RFC3: variants seen among roughly 807,000 people sequenced by gnomAD.
The protein encoded by RFC3 is A1 38 kDa subunit.
RFC3 carries 41 observed loss-of-function variants against 45.1 expected under a neutral mutation model. The ratio of observed to expected loss-of-function variants is 0.91; its 90% confidence interval spans 0.71 to 1.18. RFC3 has a LOEUF of 1.18. RFC3 is among the 50% of genes most tolerant of loss of function. The pLI is 0.00. For missense variants in RFC3, 423 were observed against 428.1 expected (o/e 0.99, Z 0.10); for synonymous variants, 149 against 144.0 (o/e 1.03, Z -0.25).
intron 1 of RFC3, among the ~76,000 whole-genome samples, chr13:33,818,746 T>C (rs2081972439): frequency 6.6e-6 from 1 of 152,198 alleles, no homozygotes; most frequent in South Asian, 2.1e-4. Flanking sequence ...GATGACACCA[T>C]GTGATTTACT....
At chr13:33,933,396 T>C (rs2082864810) in intron 8 of RFC3, among the ~76,000 whole-genome samples, 1 of 152,156 alleles carries the variant, frequency 6.6e-6, no homozygotes, top group Non-Finnish European at 1.5e-5. Context: ...TCCCAAGAAC[T>C]TATTATTGGC....
At chr13:33,906,591 T>C (rs1403384531) in intron 8 of RFC3, among the ~76,000 whole-genome samples, 11 of 152,134 alleles carry the variant, frequency 7.2e-5, no homozygotes, top group Admixed American at 7.2e-4. Flanking sequence ...ATATTCCCTT[T>C]TATGAAAGGG....
chr13:33,835,141 T>C lies in RFC3; in HGVS notation c.810-7T>C, dbSNP rs1412406998. On this transcript the variant is annotated splice_polypyrimidine_tract_variant and splice_region_variant and intron_variant, in intron 7 of 8. Transcript: ENST00000380071. ...TCACAAAATACCAATTATTTTGTTT[T>C]ATGTAGGCTCCTTGAAGTTCGTGGA... is the stretch of plus-strand genomic sequence containing the variant. The C allele has an allele frequency of 6.3e-7, 1 of 1,583,726 alleles. No homozygotes were observed. Among genetic ancestry groups the C allele is most frequent in the Non-Finnish European group, 8.6e-7 (1 of 1,158,408 alleles).
chr13:33,957,755 G>C (rs1173467059), intron 8 of RFC3, among the ~76,000 whole-genome samples: 1 of 152,156 alleles, frequency 6.6e-6, no homozygotes, highest in East Asian at 1.9e-4. Context: ...CAAACGTGAA[G>C]GTCTTCTGTA....
At chr13:33,902,041 A>G (rs926818326) in intron 8 of RFC3, among the ~76,000 whole-genome samples, 1 of 152,054 alleles carries the variant, frequency 6.6e-6, no homozygotes, top group East Asian at 1.9e-4. Context: ...CATCCCACAC[A>G]TAAGGCAAAA....
intron 5 of RFC3, 26 bp from the exon 6 acceptor site, chr13:33,830,693 C>T: frequency 6.3e-7 from 1 of 1,589,550 alleles, no homozygotes; most frequent in Admixed American, 1.7e-5. Context: ...TAATGGATTG[C>T]CCATTTTTGT....
At chr13:33,950,358 C>T (rs1283344557) in intron 8 of RFC3, among the ~76,000 whole-genome samples, 1 of 152,046 alleles carries the variant, frequency 6.6e-6, no homozygotes, top group Non-Finnish European at 1.5e-5. Context: ...TTTTAGCTAA[C>T]ATTGATTTTG....
At chr13:33,884,499 C>A (rs142335514) in intron 8 of RFC3, among the ~76,000 whole-genome samples, 3 of 152,118 alleles carry the variant, frequency 2.0e-5, no homozygotes, top group Admixed American at 1.3e-4. Context: ...TCAAATGCAC[C>A]GTCTTCTGAA....
chr13:33,820,269 T>G (rs2081989656), intron 1 of RFC3, among the ~76,000 whole-genome samples: 1 of 152,218 alleles, frequency 6.6e-6, no homozygotes, highest in Non-Finnish European at 1.5e-5. Flanking sequence ...GCACACAGAC[T>G]GACTTCTGAC....
chr13:33,858,004 A>G (rs2082318193), intron 8 of RFC3, among the ~76,000 whole-genome samples: 1 of 152,188 alleles, frequency 6.6e-6, no homozygotes, highest in African/African-American at 2.4e-5. Flanking sequence ...TAATTAACAC[A>G]TGGGGAAATG....
At chr13:33,820,341 A>G (rs1481300448) in intron 1 of RFC3, among the ~76,000 whole-genome samples, 1 of 152,200 alleles carries the variant, frequency 6.6e-6, no homozygotes, top group African/African-American at 2.4e-5. Context: ...CCCATAGTAG[A>G]TTTGAAATGC....
chr13:33,976,004 G>C, the RFC3 span, among the ~76,000 whole-genome samples: 1 of 152,054 alleles, frequency 6.6e-6, no homozygotes, highest in Non-Finnish European at 1.5e-5. Context: ...TGTAGAATGA[G>C]GACAGGAAAT....
chr13:33,973,054 A>G, the RFC3 span, among the ~76,000 whole-genome samples: 2 of 152,188 alleles, frequency 1.3e-5, no homozygotes, highest in Admixed American at 6.6e-5. Context: ...TATAGAAAAT[A>G]ACACAAATTA....
intron 8 of RFC3, among the ~76,000 whole-genome samples, chr13:33,871,975 A>G (rs1287506320): frequency 1.3e-5 from 2 of 152,256 alleles, no homozygotes; most frequent in African/African-American, 4.8e-5. Flanking sequence ...GTCAGTATTT[A>G]CAATAGTATT....
chr13:33,821,759 T>A (rs1426767560), intron 2 of RFC3, among the ~76,000 whole-genome samples: 1 of 152,248 alleles, frequency 6.6e-6, no homozygotes, highest in African/African-American at 2.4e-5. Flanking sequence ...TCCAGCTGCA[T>A]ACCGTGTAGC....
At chr13:33,892,200 G>C (rs1484821450) in intron 8 of RFC3, among the ~76,000 whole-genome samples, 3 of 152,166 alleles carry the variant, frequency 2.0e-5, no homozygotes, top group Non-Finnish European at 4.4e-5. Flanking sequence ...CTGTTCCTTA[G>C]GGAGTGTTGC....
intron 8 of RFC3, among the ~76,000 whole-genome samples, chr13:33,893,620 C>T (rs1226763155): frequency 6.6e-6 from 1 of 151,798 alleles, no homozygotes; most frequent in Admixed American, 6.6e-5. Flanking sequence ...TCAGCAATCT[C>T]CAAGATAACA....
chr13:33,963,216 G>T lies in RFC3; in HGVS notation c.880-2871G>T, dbSNP rs1024238881. Among the ~76,000 whole-genome samples the T allele has an allele frequency of 4.6e-5, 7 of 152,056 alleles. No homozygotes were observed. The East Asian group carries it at 1.3e-3, about 29-fold the overall frequency. ...TTGACATAAAGTTTGCAACAGCTGA[G>T]ATATTTATTTTGTTTTCGTTTTTAT... On this transcript the variant is annotated intron_variant, in intron 8 of 8. Transcript: ENST00000434425.
At chr13:33,933,972 C>A (rs1303779775) in intron 8 of RFC3, among the ~76,000 whole-genome samples, 1 of 150,090 alleles carries the variant, frequency 6.7e-6, no homozygotes, top group Non-Finnish European at 1.5e-5. Flanking sequence ...ACAGAGACTG[C>A]AGGGAAACTA....
Sources: allele counts gnomAD v4.1 joint callset (sites outside exome capture counted in the v4.1 genomes callset), GRCh38; gene constraint gnomAD v4.1.1; transcripts MANE v1.5; gene names NCBI Gene and HGNC (gene_info 2026-07-23, HGNC 2026-07-21).